The following GOLGB1 variants were observed in gnomAD, a reference collection of about 807,000 sequenced individuals.
The protein encoded by GOLGB1 is golgin subfamily B member 1.
In GOLGB1, 174 loss-of-function variants were observed where a neutral mutation model predicts 336.9. The ratio of observed to expected loss-of-function variants is 0.52; its 90% CI spans 0.46 to 0.59. The LOEUF is 0.59. Ranked by LOEUF, GOLGB1 falls within the 20% of genes least tolerant of loss-of-function variation. The probability of loss-of-function intolerance (pLI) is 0.00; values close to 1 mark genes in which losing one functional copy is unlikely to be tolerated. For missense variants in GOLGB1, 3,331 were observed against 3,645.3 expected, an observed-to-expected ratio of 0.91 and a Z score of 2.22; for synonymous variants, 1,208 against 1,289.2, an observed-to-expected ratio of 0.94 and a Z score of 1.35.
chr3:121,733,287 CAAAAAAA>C (rs35457720), intron 1 of GOLGB1, among the ~76,000 whole-genome samples: 37 of 64,636 alleles, frequency 5.7e-4, no homozygotes, highest in African/African-American at 2.6e-3. Flanking sequence ...TGCTCCGTCT[CAAAAAAA>C]AAAAAAAAAA....
chr3:121,696,624 G>A lies in GOLGB1; in HGVS notation c.3899C>T (p.Ala1300Val), dbSNP rs148696334. Residue 1300 changes from alanine to valine, a missense_variant, in exon 13 of 22, where the codon GCG becomes GTG. Coordinates refer to ENST00000614479, the MANE Select transcript of GOLGB1 (RefSeq NM_001366282.2). ...CPDWPSHSED[A>V]SALQGGTSVA... ...AGAAGTTCCGCCCTGCAGAGCACTC[G>A]CATCTTCAGAATGAGAAGGCCAGTC... The A allele has an allele frequency of 4.5e-5, 73 of 1,614,096 alleles. No individual in the cohort carries two copies. The African/African-American group carries it at 5.9e-4, about 13-fold the overall frequency.
chr3:121,733,877 C>G (rs945625562), intron 1 of GOLGB1, among the ~76,000 whole-genome samples: 1 of 152,186 alleles, frequency 6.6e-6, no homozygotes, highest in Admixed American at 6.5e-5. Context: ...ACATACAACT[C>G]ACACCTTATA....
chr3:121,670,790 AG>A (rs1299387186), intron 17 of GOLGB1, among the ~76,000 whole-genome samples: 1 of 149,196 alleles, frequency 6.7e-6, no homozygotes, highest in Non-Finnish European at 1.5e-5. Flanking sequence ...GGGAATAGTT[AG>A]GAAAGGATAT....
In GOLGB1 at chr3:121,697,756, T is replaced by C; in HGVS notation, c.2767A>G (p.Asn923Asp). 6.2e-7 allele frequency: 1 copy of C among 1,613,944 alleles called. No individual in the cohort carries two copies. The part of the protein sequence containing the change: ...FSMTEKMVQL[N>D]EEKFSLGVEI... Reference sequence around the variant, plus strand: ...ACCCCAAGAGAAAACTTCTCTTCATTAAGCTGAACCATTTTCTCAGTCATA... The same window carrying C: ...ACCCCAAGAGAAAACTTCTCTTCATCAAGCTGAACCATTTTCTCAGTCATA... The change falls in exon 13 of 22, where the codon AAT becomes GAT. Residue 923 changes from asparagine (N) to aspartate (D), a missense_variant. Asn to Asp is a conservative substitution (Grantham distance 23, BLOSUM62 1). Transcript: ENST00000614479.
At chr3:121,673,539 ATTC>A (rs1939874257) in intron 17 of GOLGB1, among the ~76,000 whole-genome samples, 1 of 152,146 alleles carries the variant, frequency 6.6e-6, no homozygotes, top group Admixed American at 6.6e-5. Context: ...AATGATATTA[ATTC>A]TTCTAATCCA....
In GOLGB1 at chr3:121,697,076, T is replaced by G. The variant is rs372920467; in HGVS notation, c.3447A>C (p.Thr1149=). The G allele has an allele frequency of 8.7e-5, 141 of 1,613,972 alleles. No individual in the cohort carries two copies. Among genetic ancestry groups the G allele is most frequent in the Non-Finnish European group, 1.1e-4 (132 of 1,179,934 alleles). ...DGDSVALVKE[T]VVISPPCTGS... is the part of the protein sequence containing the mutation. ...CTGTACAAGGTGGACTTATCACCAC[T>G]GTTTCCTTTACAAGTGCTACGGAGT... The change falls in exon 13 of 22, where the codon ACA becomes ACC. Residue 1149 remains threonine (T), a synonymous_variant. Transcript: ENST00000614479.
At position 121,695,903 on chromosome 3, in the gene GOLGB1, A is replaced by G; in HGVS notation, c.4620T>C (p.Asp1540=). ...SQVSAQNKEK[D]TVLGRLALLQ... is the part of the protein sequence containing the mutation. Reference sequence around the variant, plus strand: ...GAAGAGCTAACCTTCCTAAGACCGTATCTTTTTCTTTATTTTGAGCAGAAA... The same window carrying G: ...GAAGAGCTAACCTTCCTAAGACCGTGTCTTTTTCTTTATTTTGAGCAGAAA... The change falls in exon 13 of 22, where the codon GAT becomes GAC. Residue 1540 remains aspartate (D), a synonymous_variant. Coordinates refer to ENST00000614479, the MANE Select transcript of GOLGB1 (RefSeq NM_001366282.2). The G allele has an allele frequency of 6.2e-7, 1 of 1,613,602 alleles. No individual in the cohort carries two copies. The highest frequency in any genetic ancestry group is 8.5e-7 in the Non-Finnish European group (1 of 1,179,872).
intron 14 of GOLGB1, among the ~76,000 whole-genome samples, chr3:121,686,997 G>A (rs1941812889): frequency 1.3e-5 from 2 of 152,188 alleles, no homozygotes; most frequent in South Asian, 4.1e-4. Context: ...GTCTTGGCCA[G>A]GTGTGGTGGC....
rs140841090 is a variant in GOLGB1, at chr3:121,695,097, C to A, written c.5426G>T (p.Ser1809Ile). The A allele has an allele frequency of 2.5e-6, 4 of 1,613,846 alleles. No individual in the cohort carries two copies. The highest frequency in any genetic ancestry group is 3.4e-6 in the Non-Finnish European group (4 of 1,180,000). ...TGAACATGTAGGTCTTGTGCTCATA[C>A]TCAGAGAGTCTTGCTCTTCAGTCTC... ...PGETEEQDSL[S>I]MSTRPTCSES... The change falls in exon 13 of 22, where the codon AGT (serine) becomes ATT (isoleucine). Residue 1809 changes from serine (S) to isoleucine (I), a missense_variant. Coordinates refer to ENST00000614479, the MANE Select transcript of GOLGB1 (RefSeq NM_001366282.2).
At position 121,702,528 on chromosome 3, in the gene GOLGB1, G is replaced by A. The variant is rs759107644; in HGVS notation, c.1472C>T (p.Ala491Val). 1 of 1,549,888 alleles carries A rather than the reference G, an allele frequency of 6.5e-7. No individual in the cohort carries two copies. Among genetic ancestry groups the A allele is most frequent in the Non-Finnish European group, 8.7e-7 (1 of 1,148,894 alleles). Residue 491 changes from alanine (A) to valine (V), a missense_variant, in exon 11 of 22, where the codon GCC (alanine) becomes GTC (valine). By Grantham distance (64) the Ala-to-Val change is moderately conservative. Coordinates refer to ENST00000614479, the MANE Select transcript of GOLGB1 (RefSeq NM_001366282.2). ...RVVELENEKG[A>V]LLLSSIELEE... ...CAGCTCTATAGAACTAAGGAGCAAG[G>A]CTCCCTTTTCATTCTCTAGTTCTAC...
At chr3:121,666,249 T>C (rs1003728349) in intron 20 of GOLGB1, among the ~76,000 whole-genome samples, 1 of 152,170 alleles carries the variant, frequency 6.6e-6, no homozygotes, top group Admixed American at 6.5e-5. Context: ...CTTAATTAGC[T>C]ACCCCAACTT....
At chr3:121,739,088 C>G (rs567740865) in intron 1 of GOLGB1, among the ~76,000 whole-genome samples, 5 of 152,102 alleles carry the variant, frequency 3.3e-5, no homozygotes, top group African/African-American at 1.2e-4. Flanking sequence ...ATAGCAAGAT[C>G]CCATCTCTAC....
chr3:121,689,250 C>T (rs528404464), intron 14 of GOLGB1, among the ~76,000 whole-genome samples: 1 of 152,200 alleles, frequency 6.6e-6, no homozygotes, highest in Non-Finnish European at 1.5e-5. Flanking sequence ...CGGATGGTTG[C>T]CATGTCTGTG....
chr3:121,695,393 A>G lies in GOLGB1; in HGVS notation c.5130T>C (p.Pro1710=), dbSNP rs1942849912. Residue 1710 remains proline, a synonymous_variant, in exon 13 of 22, where the codon CCT becomes CCC. Coordinates refer to ENST00000614479, the MANE Select transcript of GOLGB1 (RefSeq NM_001366282.2). ...TACACTCTTTAGCTGTATCTCCTGCAGGGTGCACCTCTGCCCTAAGCCGGT... is the reference window on the plus strand; with the variant it reads ...TACACTCTTTAGCTGTATCTCCTGCGGGGTGCACCTCTGCCCTAAGCCGGT... ...ENDRLRAEVH[P]AGDTAKECME... 6.2e-7 allele frequency: 1 copy of G among 1,613,670 alleles called. No individual in the cohort carries two copies. Among genetic ancestry groups the G allele is most frequent in the Non-Finnish European group, 8.5e-7 (1 of 1,179,790 alleles).
intron 6 of GOLGB1, among the ~76,000 whole-genome samples, chr3:121,721,726 G>T (rs1482529676): frequency 6.6e-6 from 1 of 151,992 alleles, no homozygotes; most frequent in African/African-American, 2.4e-5. Context: ...GGTCTTGACA[G>T]ATGAAAAAAA....
chr3:121,679,700 C>T (rs1330189984), intron 15 of GOLGB1, among the ~76,000 whole-genome samples: 2 of 152,134 alleles, frequency 1.3e-5, no homozygotes, highest in Non-Finnish European at 2.9e-5. Context: ...TACACCTCAC[C>T]CTCCTTACTG....
At chr3:121,725,425 T>C (rs1241515349) in intron 5 of GOLGB1, among the ~76,000 whole-genome samples, 1 of 152,222 alleles carries the variant, frequency 6.6e-6, no homozygotes, top group East Asian at 1.9e-4. Flanking sequence ...GCTTGGGGTC[T>C]GTTACTCTCT....
At position 121,716,777 on chromosome 3, in the gene GOLGB1, C is replaced by T. The variant is rs9812411; in HGVS notation, c.1248G>A (p.Glu416=). The T allele has an allele frequency of 0.74, 1,186,586 of 1,610,164 alleles. 442,366 individuals are homozygous for T. Among genetic ancestry groups the T allele is most frequent in the East Asian group, 0.85 (38,210 of 44,808 alleles). ...QNSKLLQDKN[E]QAVQSAQTIQ... The stretch of plus-strand genomic sequence containing the variant: ...TGGTCTGGGCTGACTGAACTGCTTG[C>T]TCATTCTTATCTTGGAGAAGCTTTG... The change falls in exon 9 of 22, where the codon GAG becomes GAA. Residue 416 remains glutamate, a synonymous_variant. Transcript: ENST00000614479.
chr3:121,730,343 CTT>C (rs1172505099), intron 2 of GOLGB1: 2 of 222,512 alleles, frequency 9.0e-6, no homozygotes, highest in African/African-American at 4.6e-5. Context: ...GTAAAACTCT[CTT>C]AACCACTACG....
Sources: gnomAD v4.1 joint callset for allele counts (sites outside exome capture counted in the v4.1 genomes callset) on GRCh38, gnomAD v4.1.1 for gene constraint, MANE v1.5 for transcripts, NCBI Gene and HGNC (gene_info 2026-07-23, HGNC 2026-07-21) for gene names.